Variants in SORCS2 observed in about 807,000 individuals in gnomAD.
SORCS2 encodes VPS10 domain-containing receptor SorCS2.
Under a neutral mutation model 141.6 loss-of-function variants are expected in SORCS2, and 100 were observed. The observed-to-expected ratio is 0.71, with a 90% CI of 0.60 to 0.83. The LOEUF is 0.83. Among genes scored for constraint, SORCS2 ranks in the 40% least tolerant of loss-of-function variants. The pLI is 0.00. For missense variants in SORCS2, 1,646 were observed against 1,560.2 expected (o/e 1.05, Z -0.93); for synonymous variants, 789 against 676.9 (o/e 1.17, Z -2.57).
chr4:7,686,483 G>A (rs1396670736), intron 10 of SORCS2, among the ~76,000 whole-genome samples: 1 of 152,180 alleles, frequency 6.6e-6, no homozygotes, highest in Non-Finnish European at 1.5e-5. Context: ...TGAGTCCCCA[G>A]CTTGGCCTGC....
At chr4:7,531,474 G>T in intron 2 of SORCS2, 56 bp from the exon 3 acceptor site, 1 of 1,544,626 alleles carries the variant, frequency 6.5e-7, no homozygotes, top group South Asian at 1.1e-5. Flanking sequence ...CGTGTGGGCT[G>T]ACGAAGGCCA....
At chr4:7,210,344 C>T (rs939311643) in intron 1 of SORCS2, among the ~76,000 whole-genome samples, 1 of 152,212 alleles carries the variant, frequency 6.6e-6, no homozygotes, top group Non-Finnish European at 1.5e-5. Flanking sequence ...TGCAATGCTG[C>T]GATCTTGGCT....
intron 1 of SORCS2, among the ~76,000 whole-genome samples, chr4:7,297,645 T>G (rs1717168332): frequency 6.6e-6 from 1 of 152,196 alleles, no homozygotes; most frequent in African/African-American, 2.4e-5. Flanking sequence ...GTCTGAAGTT[T>G]CTATAAAATG....
chr4:7,433,077 G>A (rs1363851352), intron 2 of SORCS2: 4 of 369,094 alleles, frequency 1.1e-5, no homozygotes, highest in Non-Finnish European at 1.9e-5. Flanking sequence ...CTGGGTCAGG[G>A]AGCGGGGCAC....
At chr4:7,232,226 C>G (rs1301370032) in intron 1 of SORCS2, among the ~76,000 whole-genome samples, 3 of 152,068 alleles carry the variant, frequency 2.0e-5, no homozygotes, top group Non-Finnish European at 2.9e-5. Flanking sequence ...GAGGCCTGGG[C>G]TTTGGCAGGA....
At chr4:7,432,852 A>AC (rs77691359) in intron 2 of SORCS2, 71,602 of 152,944 alleles carry the variant, frequency 0.47, 17,297 homozygotes, top group East Asian at 0.58. Flanking sequence ...CCAGACTCCC[A>AC]CCCCCGGCTG....
At chr4:7,304,877 C>T (rs185897837) in intron 1 of SORCS2, among the ~76,000 whole-genome samples, 126 of 152,338 alleles carry the variant, frequency 8.3e-4, no homozygotes, top group Middle Eastern at 3.4e-3. Context: ...CAGAGCATTT[C>T]CAATGTTTGG....
At chr4:7,391,134 C>T in intron 1 of SORCS2, among the ~76,000 whole-genome samples, 1 of 152,200 alleles carries the variant, frequency 6.6e-6, no homozygotes, top group Non-Finnish European at 1.5e-5. Context: ...GCATCACACC[C>T]TCTTTGTTTT....
intron 2 of SORCS2, among the ~76,000 whole-genome samples, chr4:7,402,607 G>C (rs1222556948): frequency 6.6e-6 from 1 of 152,160 alleles, no homozygotes; most frequent in Non-Finnish European, 1.5e-5. Flanking sequence ...GCTGCAGCGA[G>C]CACCTGTGAA....
At chr4:7,287,782 G>T (rs953513207) in intron 1 of SORCS2, among the ~76,000 whole-genome samples, 11 of 152,234 alleles carry the variant, frequency 7.2e-5, no homozygotes, top group Non-Finnish European at 1.5e-4. Context: ...TGGGTCTGCG[G>T]CTTCCTGTCT....
At chr4:7,726,729 C>T (rs138164535) in intron 20 of SORCS2, 51 bp from the exon 21 acceptor site, 18 of 1,592,656 alleles carry the variant, frequency 1.1e-5, no homozygotes, top group South Asian at 5.6e-5. Flanking sequence ...GCGTCCCCCA[C>T]GGCCGCTGCC....
chr4:7,399,283 G>A (rs1279857049), intron 2 of SORCS2, among the ~76,000 whole-genome samples: 1 of 151,870 alleles, frequency 6.6e-6, no homozygotes, highest in African/African-American at 2.4e-5. Flanking sequence ...CCTGTGGATG[G>A]AAGGCTGGCG....
At chr4:7,364,412 C>G (rs567302296) in intron 1 of SORCS2, among the ~76,000 whole-genome samples, 75 of 152,304 alleles carry the variant, frequency 4.9e-4, no homozygotes, top group African/African-American at 1.7e-3. Context: ...CATTTTCTCT[C>G]TGGGCTGGAT....
chr4:7,310,562 G>A (rs1475701982), intron 1 of SORCS2: 3 of 154,342 alleles, frequency 1.9e-5, no homozygotes, highest in Admixed American at 6.5e-5. Context: ...CACCATACTA[G>A]TTGCCCCATG....
At chr4:7,667,646 G>C (rs1033812230) in intron 8 of SORCS2, among the ~76,000 whole-genome samples, 1 of 152,114 alleles carries the variant, frequency 6.6e-6, no homozygotes, top group Non-Finnish European at 1.5e-5. Flanking sequence ...TGCTGGGGTG[G>C]GGATGATCTC....
At chr4:7,383,679 G>A (rs1457305607) in intron 1 of SORCS2, among the ~76,000 whole-genome samples, 2 of 152,130 alleles carry the variant, frequency 1.3e-5, no homozygotes, top group African/African-American at 2.4e-5. Flanking sequence ...AAATAGACCT[G>A]AGCAATGCCA....
intron 15 of SORCS2, among the ~76,000 whole-genome samples, chr4:7,713,665 C>T (rs1019706086): frequency 2.6e-5 from 4 of 152,090 alleles, no homozygotes; most frequent in African/African-American, 4.8e-5. Context: ...ATAGGGAGGG[C>T]GATCGGATAT....
At chr4:7,499,510 C>T (rs977198714) in intron 2 of SORCS2, among the ~76,000 whole-genome samples, 4 of 151,962 alleles carry the variant, frequency 2.6e-5, no homozygotes, top group Admixed American at 6.6e-5. Flanking sequence ...TGGCGTGGGG[C>T]GGACTGAAAA....
intron 2 of SORCS2, among the ~76,000 whole-genome samples, chr4:7,481,909 C>T (rs1730659978): frequency 1.9e-5 from 2 of 104,298 alleles, no homozygotes; most frequent in African/African-American, 2.8e-5. Context: ...CCTGTATCCC[C>T]ACTGCGGACA....
Sources: allele counts gnomAD v4.1 joint callset (sites outside exome capture counted in the v4.1 genomes callset), GRCh38; gene constraint gnomAD v4.1.1; transcripts MANE v1.5; gene names NCBI Gene and HGNC (gene_info 2026-07-23, HGNC 2026-07-21).